RTTN: variants seen among roughly 807,000 people sequenced by gnomAD.
RTTN encodes rotatin.
RTTN carries 182 observed loss-of-function variants against 269.2 expected under a neutral mutation model. The ratio of observed to expected loss-of-function variants is 0.68; its 90% confidence interval spans 0.60 to 0.76. The LOEUF (loss-of-function observed/expected upper bound fraction) is 0.76, where lower values mean the gene tolerates loss of function less well. RTTN is among the 30% of genes least tolerant of loss of function. RTTN has a pLI of 0.00. For synonymous variants in RTTN, 1,006 were observed against 963.5 expected, an observed-to-expected ratio of 1.04 and a Z score of -0.82; for missense variants, 2,545 against 2,608.6, an observed-to-expected ratio of 0.98 and a Z score of 0.53.
chr18:70,033,814 A>T (rs2144652912), intron 40 of RTTN, among the ~76,000 whole-genome samples: 1 of 146,700 alleles, frequency 6.8e-6, no homozygotes, highest in Non-Finnish European at 1.5e-5. Flanking sequence ...AAATATATGG[A>T]CCACTAGGCT....
intron 14 of RTTN, among the ~76,000 whole-genome samples, chr18:70,162,815 A>AAAGCC: frequency 6.6e-6 from 1 of 150,820 alleles, no homozygotes; most frequent in African/African-American, 2.5e-5. Context: ...TTTGTACACC[A>AAAGCC]AACCCCAGCA....
At chr18:70,193,259 AT>A (rs1414975464) in intron 8 of RTTN, 28 bp downstream of exon 8, 1 of 1,567,788 alleles carries the variant, frequency 6.4e-7, no homozygotes, top group South Asian at 1.2e-5. Flanking sequence ...GGCATTTCTC[AT>A]TTCCCCAGAG....
At position 70,065,912 on chromosome 18, in the gene RTTN, G is replaced by A. The variant is rs2144965307; in HGVS notation, c.4664C>T (p.Ser1555Leu). 6.3e-7 allele frequency: 1 copy of A among 1,591,204 alleles called. No homozygotes were observed. The highest frequency in any genetic ancestry group is 1.3e-5 in the African/African-American group (1 of 74,510). The change falls in exon 35 of 49, where the codon TCA (serine) becomes TTA (leucine). Residue 1555 changes from serine (S) to leucine (L), a missense_variant. Ser to Leu is a moderately radical substitution (Grantham distance 145, BLOSUM62 -2). Transcript: ENST00000640769. The stretch of plus-strand genomic sequence containing the variant: ...TGGCTGAAATTCAGTACTCCCCAAT[G>A]AAGGTGCCACCTATGAATCAGTAAA... The part of the protein sequence containing the change: ...LSTSETTVAP[S>L]LGSTEFQPLV...
At chr18:70,061,248 A>G in intron 35 of RTTN, 1 of 408,696 alleles carries the variant, frequency 2.4e-6, no homozygotes, top group South Asian at 1.8e-5. Context: ...ACTTTAGAAC[A>G]GTAATAAGGT....
intron 8 of RTTN, 133 bp from the exon 9 acceptor site, chr18:70,190,852 A>T: frequency 1.8e-6 from 1 of 567,972 alleles, no homozygotes; most frequent in Non-Finnish European, 3.0e-6. Flanking sequence ...CTCTGGTCAG[A>T]TTTGTAGAAA....
In RTTN at chr18:70,028,783, C is replaced by T. The variant is rs1220000402; in HGVS notation, c.5764G>A (p.Glu1922Lys). 1 of 1,611,190 alleles carries T rather than the reference C, an allele frequency of 6.2e-7. No individual in the cohort carries two copies. The highest frequency in any genetic ancestry group is 8.5e-7 in the Non-Finnish European group (1 of 1,177,856). The change falls in exon 43 of 49, where the codon GAG becomes AAG. Residue 1922 changes from glutamate to lysine, a missense_variant. Coordinates refer to ENST00000640769, the MANE Select transcript of RTTN (RefSeq NM_173630.4). ...LKKKEDGVIK[E>K]LSIAMQLLRN... is the part of the protein sequence containing the mutation. ...AGGAGCTGCATGGCAATGCTTAACT[C>T]TTTAATAACACCATCCTCCTATTTA...
rs368911244 is a variant in RTTN at position 70,010,795 on chromosome 18, C to T, written c.6422-4311G>A. Among the ~76,000 whole-genome samples, 38 of 152,074 alleles carry T rather than the reference C, an allele frequency of 2.5e-4. No homozygotes were observed. The East Asian group carries it at 5.8e-3, about 23-fold the overall frequency. On this transcript the variant is annotated intron_variant, in intron 46 of 48. Coordinates refer to ENST00000640769, the MANE Select transcript of RTTN (RefSeq NM_173630.4). Reference sequence around the variant, plus strand: ...AACCCTTCAAAAAATCAATGAATCCCGGAGCTGGTTTTTGGAAAAGATTAA... The same window carrying T: ...AACCCTTCAAAAAATCAATGAATCCTGGAGCTGGTTTTTGGAAAAGATTAA...
intron 25 of RTTN, among the ~76,000 whole-genome samples, chr18:70,123,296 G>C (rs1163671245): frequency 6.6e-6 from 1 of 151,858 alleles, no homozygotes; most frequent in Non-Finnish European, 1.5e-5. Flanking sequence ...GATCCAATCA[G>C]GCTAATTAAC....
At chr18:70,195,098 A>G (rs1037146476) in intron 7 of RTTN, among the ~76,000 whole-genome samples, 37 of 152,216 alleles carry the variant, frequency 2.4e-4, no homozygotes, top group African/African-American at 8.4e-4. Flanking sequence ...AAGCCCCAAT[A>G]TACTCTGGCC....
intron 19 of RTTN, among the ~76,000 whole-genome samples, chr18:70,141,444 T>TA (rs1230746592): frequency 6.6e-6 from 1 of 152,122 alleles, no homozygotes; most frequent in African/African-American, 2.4e-5. Flanking sequence ...TATGCAGCCA[T>TA]AAAAAAGGAT....
rs149437857 is a variant in RTTN, at chr18:70,188,176, T to C, written c.1237A>G (p.Met413Val). ...GAAATTGCTTCACCAATAAGTGTCA[T>C]ATCCTCTGTAAGCAATTCCAGAACT... is the stretch of plus-strand genomic sequence containing the variant. ...IRVLELLTED[M>V]TLIGEAISTD... The change falls in exon 10 of 49, where the codon ATG (methionine) becomes GTG (valine). Residue 413 changes from methionine (M) to valine (V), a missense_variant. Transcript: ENST00000640769. 2 of 1,612,396 alleles carry C rather than the reference T, an allele frequency of 1.2e-6. No homozygotes were observed. The highest frequency in any genetic ancestry group is 1.7e-4 in the Middle Eastern group (1 of 5,992).
In RTTN at chr18:70,054,270, C is replaced by T. The variant is rs1294455780; in HGVS notation, c.5046G>A (p.Leu1682=). ...EHTQAQVSFL[L]EYLSSLSRLL... is the part of the protein sequence containing the mutation. The stretch of plus-strand genomic sequence containing the variant: ...GCCTGGACAAAGAGGATAGGTATTC[C>T]AGGAGAAAGGAAACCTGTTTGAAAA... Residue 1682 remains leucine (L), a synonymous_variant, in exon 38 of 49, where the codon CTG becomes CTA. Transcript: ENST00000640769. 6 of 1,610,482 alleles carry T rather than the reference C, an allele frequency of 3.7e-6. No individual in the cohort carries two copies. The highest frequency in any genetic ancestry group is 3.3e-5 in the South Asian group (3 of 90,378).
intron 32 of RTTN, among the ~76,000 whole-genome samples, chr18:70,084,157 A>G (rs2058642150): frequency 6.6e-6 from 1 of 152,054 alleles, no homozygotes; most frequent in South Asian, 2.1e-4. Context: ...ATGAAACAAG[A>G]GCACTAGCGG....
chr18:70,052,421 C>T (rs2057696069), intron 38 of RTTN, among the ~76,000 whole-genome samples: 1 of 152,052 alleles, frequency 6.6e-6, no homozygotes, highest in Non-Finnish European at 1.5e-5. Flanking sequence ...GATTTTAATT[C>T]CACACATATA....
chr18:70,062,384 C>A (rs2058013486), intron 35 of RTTN, among the ~76,000 whole-genome samples: 2 of 152,132 alleles, frequency 1.3e-5, no homozygotes, highest in African/African-American at 2.4e-5. Flanking sequence ...CTAACTAACT[C>A]CCACCCATTC....
chr18:70,018,718 G>A (rs1280966795), intron 45 of RTTN, among the ~76,000 whole-genome samples: 2 of 151,698 alleles, frequency 1.3e-5, no homozygotes, highest in African/African-American at 4.8e-5. Context: ...CACACCTACT[G>A]TCAGCCAAAC....
intron 32 of RTTN, among the ~76,000 whole-genome samples, chr18:70,084,228 G>C (rs2058644899): frequency 2.5e-5 from 1 of 39,270 alleles, no homozygotes; most frequent in East Asian, 0.024. Context: ...AATTCTCTTT[G>C]TTAAAAAAAA....
chr18:70,198,541 T>C (rs2061869179), intron 5 of RTTN, among the ~76,000 whole-genome samples: 1 of 152,208 alleles, frequency 6.6e-6, no homozygotes, highest in African/African-American at 2.4e-5. Flanking sequence ...TCCAGATTTA[T>C]ACCCCAAAAA....
chr18:70,090,805 C>T (rs2058824715), intron 30 of RTTN, among the ~76,000 whole-genome samples: 1 of 152,140 alleles, frequency 6.6e-6, no homozygotes, highest in Admixed American at 6.5e-5. Context: ...CTCTTGAAGA[C>T]AGCCAAAGGG....
Sources: gnomAD v4.1 joint callset for allele counts (sites outside exome capture counted in the v4.1 genomes callset) on GRCh38, gnomAD v4.1.1 for gene constraint, MANE v1.5 for transcripts, NCBI Gene and HGNC (gene_info 2026-07-23, HGNC 2026-07-21) for gene names.